The following WWOX variants were observed in gnomAD, a reference collection of about 807,000 sequenced individuals.
WWOX encodes the protein WW domain-containing oxidoreductase.
A neutral mutation model predicts 46.2 loss-of-function variants in WWOX; 69 were observed. The ratio of observed to expected loss-of-function variants is 1.49; its 90% CI spans 1.23 to 1.82. The LOEUF (loss-of-function observed/expected upper bound fraction) is 1.82. WWOX is among the 40% of genes most tolerant of loss of function. The pLI is 0.00. For synonymous variants in WWOX, 359 were observed against 202.6 expected, an observed-to-expected ratio of 1.77 and a Z score of -6.56; for missense variants, 919 against 542.6, an observed-to-expected ratio of 1.69 and a Z score of -6.89.
chr16:78,930,448 ATTTTTTT>A (rs71140847), intron 8 of WWOX, among the ~76,000 whole-genome samples: 16 of 106,576 alleles, frequency 1.5e-4, no homozygotes, highest in African/African-American at 2.6e-4. Context: ...CAGCTAGCTA[ATTTTTTT>A]TTTTTTTTTT....
chr16:78,327,431 CA>C (rs1018205987), intron 5 of WWOX, among the ~76,000 whole-genome samples: 9 of 152,106 alleles, frequency 5.9e-5, no homozygotes, highest in African/African-American at 1.9e-4. Flanking sequence ...CCAGTACCCT[CA>C]GTGTGGAAGG....
At chr16:79,004,387 A>C (rs1025665124) in intron 8 of WWOX, 2 of 152,134 alleles carry the variant, frequency 1.3e-5, no homozygotes, top group Non-Finnish European at 2.9e-5. Flanking sequence ...GATATTTCTC[A>C]TTTTCCATTG....
chr16:78,630,126 C>G (rs962989385), intron 8 of WWOX, among the ~76,000 whole-genome samples: 11 of 152,072 alleles, frequency 7.2e-5, no homozygotes, highest in Non-Finnish European at 1.5e-4. Flanking sequence ...AGAGAGTCCT[C>G]AAAAATAATT....
chr16:78,137,043 C>T (rs926162129), intron 4 of WWOX, among the ~76,000 whole-genome samples: 1 of 152,140 alleles, frequency 6.6e-6, no homozygotes, highest in Non-Finnish European at 1.5e-5. Flanking sequence ...ATTCACATAC[C>T]ATTCACAACA....
chr16:79,175,757 C>G (rs572898723), intron 8 of WWOX, among the ~76,000 whole-genome samples: 1 of 152,288 alleles, frequency 6.6e-6, no homozygotes, highest in Admixed American at 6.5e-5. Flanking sequence ...GTTACTCATA[C>G]GACTTACACA....
chr16:79,043,373 A>G (rs567648062), intron 8 of WWOX, among the ~76,000 whole-genome samples: 1 of 152,274 alleles, frequency 6.6e-6, no homozygotes, highest in East Asian at 1.9e-4. Context: ...GGAAATTTTG[A>G]TTTGTTCTTT....
At position 78,261,775 on chromosome 16, in the gene WWOX, T is replaced by G. The variant is rs1304567287; in HGVS notation, c.516+97486T>G. ...GTCTGTCTATCTATCTATCTATGTA[T>G]CTATCTATCTATCTATATATATATA... On this transcript the variant is annotated intron_variant, in intron 5 of 8. Coordinates refer to ENST00000566780, the MANE Select transcript of WWOX (RefSeq NM_016373.4). Among the ~76,000 whole-genome samples, 7 of 36,490 alleles carry G rather than the reference T, an allele frequency of 1.9e-4. No homozygotes were observed. The Middle Eastern group carries it at 0.054, about 279-fold the overall frequency. 23.9% of individuals were successfully genotyped at this position (36,490 alleles called of 152,430 possible). A position where few individuals can be genotyped will look rare whatever the true frequency, so the allele number is the denominator to read the frequency against.
At chr16:78,705,464 G>A (rs1001806953) in intron 8 of WWOX, among the ~76,000 whole-genome samples, 2 of 152,124 alleles carry the variant, frequency 1.3e-5, no homozygotes, top group Admixed American at 6.6e-5. Context: ...CTCCTTCTTT[G>A]TTCTGTCATC....
intron 8 of WWOX, among the ~76,000 whole-genome samples, chr16:78,843,935 C>T (rs917528292): frequency 6.6e-6 from 1 of 152,092 alleles, no homozygotes; most frequent in Admixed American, 6.5e-5. Context: ...CAGAGCAACA[C>T]CGAAAAGCGT....
At chr16:78,129,155 G>A (rs1242663529) in intron 4 of WWOX, among the ~76,000 whole-genome samples, 2 of 152,122 alleles carry the variant, frequency 1.3e-5, no homozygotes, top group East Asian at 3.9e-4. Context: ...CAGGGTTAGC[G>A]TCGCCACTTG....
At chr16:78,395,267 C>G (rs868348473) in intron 6 of WWOX, among the ~76,000 whole-genome samples, 9 of 152,244 alleles carry the variant, frequency 5.9e-5, no homozygotes, top group African/African-American at 2.2e-4. Flanking sequence ...GCCTGTTATC[C>G]CAGCACTTTG....
chr16:78,417,180 C>G (rs556702174), intron 6 of WWOX, among the ~76,000 whole-genome samples: 9 of 152,230 alleles, frequency 5.9e-5, no homozygotes, highest in Admixed American at 5.9e-4. Context: ...TCAAGAGATC[C>G]TCCCACCTCA....
intron 8 of WWOX, among the ~76,000 whole-genome samples, chr16:78,505,860 A>T (rs984307545): frequency 1.3e-5 from 2 of 152,184 alleles, no homozygotes; most frequent in African/African-American, 4.8e-5. Flanking sequence ...AGAGGACTCC[A>T]GGGCCATGGA....
chr16:78,396,378 G>A (rs748317923), intron 6 of WWOX, among the ~76,000 whole-genome samples: 1 of 151,964 alleles, frequency 6.6e-6, no homozygotes, highest in Admixed American at 6.6e-5. Context: ...AAATGTGTTC[G>A]AATTAACCAC....
chr16:79,072,589 G>A (rs559768127), intron 8 of WWOX, among the ~76,000 whole-genome samples: 12 of 152,204 alleles, frequency 7.9e-5, no homozygotes, highest in South Asian at 2.1e-4. Context: ...TTTATTAAGC[G>A]CTTTACAAGA....
intron 5 of WWOX, among the ~76,000 whole-genome samples, chr16:78,307,525 T>A (rs549116298): frequency 3.3e-5 from 5 of 152,312 alleles, no homozygotes; most frequent in African/African-American, 1.2e-4. Flanking sequence ...TTCTAGCCCC[T>A]GAAAGAGGTG....
At chr16:78,207,152 C>A (rs1406887448) in intron 5 of WWOX, among the ~76,000 whole-genome samples, 1 of 152,172 alleles carries the variant, frequency 6.6e-6, no homozygotes, top group Non-Finnish European at 1.5e-5. Flanking sequence ...ATTTAATGAG[C>A]ATTTGCCCAC....
chr16:78,869,303 G>C (rs959990699), intron 8 of WWOX, among the ~76,000 whole-genome samples: 1 of 152,136 alleles, frequency 6.6e-6, no homozygotes, highest in Non-Finnish European at 1.5e-5. Flanking sequence ...AGGAAAGTCC[G>C]AGAGTTGGTT....
At chr16:78,768,340 A>C (rs1344448634) in intron 8 of WWOX, among the ~76,000 whole-genome samples, 4 of 147,430 alleles carry the variant, frequency 2.7e-5, no homozygotes, top group Non-Finnish European at 4.5e-5. Context: ...ATGTACTCCC[A>C]GCACTTTGGG....
Sources: allele counts gnomAD v4.1 joint callset (sites outside exome capture counted in the v4.1 genomes callset), GRCh38; gene constraint gnomAD v4.1.1; transcripts MANE v1.5; gene names NCBI Gene and HGNC (gene_info 2026-07-23, HGNC 2026-07-21).